The following C19orf53 variants were observed in gnomAD, a reference collection of about 807,000 sequenced individuals.
The protein encoded by C19orf53 is leydig cell tumor 10 kDa protein homolog.
In C19orf53, 9 loss-of-function variants were observed where a neutral mutation model predicts 6.5. That is an observed-to-expected ratio of 1.38 (90% CI 0.83 to 2.40). The LOEUF is 2.40. Among genes scored for constraint, C19orf53 ranks in the 30% most tolerant of loss-of-function variants. The probability of loss-of-function intolerance (pLI) is 0.00; values close to 1 mark genes in which losing one functional copy is unlikely to be tolerated. For synonymous variants in C19orf53, 68 were observed against 52.5 expected (o/e 1.29, Z -1.27); for missense variants, 166 against 129.7 (o/e 1.28, Z -1.36).
At position 13,778,347 on chromosome 19, in the gene C19orf53, G is replaced by A. The variant is rs1039290973; in HGVS notation, c.*149G>A. ...AACTTCAGTGGGGGCCAAGGGTGCT[G>A]AGAACCCAGCAATGACCAGGAAGAT... On this transcript the variant is annotated 3_prime_UTR_variant, in exon 3 of 3. Coordinates refer to ENST00000588234, the MANE Select transcript of C19orf53 (RefSeq NM_014047.3). The A allele has an allele frequency of 1.0e-6, 1 of 972,146 alleles. No homozygotes were observed. Among genetic ancestry groups the A allele is most frequent in the East Asian group, 3.0e-5 (1 of 33,686 alleles). 60.2% of individuals were successfully genotyped at this position (972,146 alleles called of 1,614,324 possible). A position where few individuals can be genotyped will look rare whatever the true frequency, so the allele number is the denominator to read the frequency against.
chr19:13,774,811 G>T (rs1974349585), intron 2 of C19orf53, 104 bp downstream of exon 2: 20 of 1,426,060 alleles, frequency 1.4e-5, no homozygotes, highest in Non-Finnish European at 1.8e-5. Flanking sequence ...TCAGTGAGGG[G>T]AGAGGGTGGA....
chr19:13,776,626 C>T (rs1974374650), intron 2 of C19orf53, among the ~76,000 whole-genome samples: 1 of 152,188 alleles, frequency 6.6e-6, no homozygotes, highest in Admixed American at 6.6e-5. Flanking sequence ...TCCCGGAGCC[C>T]TTCCTGGGCT....
rs1011414105 is a variant in C19orf53 at position 13,774,462 on chromosome 19, C to T, written c.-16C>T. 12 of 1,585,968 alleles carry T rather than the reference C, an allele frequency of 7.6e-6. No homozygotes were observed. The highest frequency in any genetic ancestry group is 7.4e-5 in the Admixed American group (4 of 54,354). ...CGACTGCTCACAGTCCCGCCTCTTC[C>T]GCTGCGTGCCGGACCATGGCGCAGG... On this transcript the variant is annotated 5_prime_UTR_variant, in exon 1 of 3. Transcript: ENST00000588234.
In C19orf53 at chr19:13,778,463, C is replaced by T. The variant is rs1974392201; in HGVS notation, c.*265C>T. 1 of 323,234 alleles carries T rather than the reference C, an allele frequency of 3.1e-6. No homozygotes were observed. Among genetic ancestry groups the T allele is most frequent in the South Asian group, 8.2e-5 (1 of 12,130 alleles). 20.0% of individuals were successfully genotyped at this position (323,234 alleles called of 1,614,324 possible). On this transcript the variant is annotated 3_prime_UTR_variant, in exon 3 of 3. Coordinates refer to ENST00000588234, the MANE Select transcript of C19orf53 (RefSeq NM_014047.3). ...AACAATAAACCTGGCTTTGTCATCCCTCTTGCAGTCCTGTGTTCGGGTGAG... is the reference window on the plus strand; with the variant it reads ...AACAATAAACCTGGCTTTGTCATCCTTCTTGCAGTCCTGTGTTCGGGTGAG...
intron 2 of C19orf53, among the ~76,000 whole-genome samples, chr19:13,776,981 C>T (rs1352442354): frequency 2.4e-5 from 3 of 124,674 alleles, no homozygotes; most frequent in Non-Finnish European, 1.7e-5. Flanking sequence ...GATAGAGTTT[C>T]GTTCTTGTTG....
chr19:13,777,490 T>C (rs939557154), intron 2 of C19orf53, among the ~76,000 whole-genome samples: 1 of 152,058 alleles, frequency 6.6e-6, no homozygotes, highest in African/African-American at 2.4e-5. Flanking sequence ...CCTCGCAAAG[T>C]GCTGGGATCA....
chr19:13,774,617 G>A (rs779040036), intron 1 of C19orf53, 35 bp from the exon 2 acceptor site: 2 of 1,613,056 alleles, frequency 1.2e-6, no homozygotes, highest in South Asian at 1.1e-5. Context: ...TGGACCCCCG[G>A]CTTCCCGGCC....
Position 13,774,704 on chromosome 19 carries a change from G to A in C19orf53, c.150G>A (p.Lys50=). 6.2e-7 allele frequency: 1 copy of A among 1,605,510 alleles called. No homozygotes were observed. Among genetic ancestry groups the A allele is most frequent in the Non-Finnish European group, 8.5e-7 (1 of 1,173,398 alleles). ...KARVVQQQKL[K]KNLEVGIRKK... is the part of the protein sequence containing the mutation. ...GCGTCGTGCAGCAGCAAAAGCTCAA[G>A]AAGGTGTGCGGGGGCGAGAGATGGA... The change falls in exon 2 of 3, where the codon AAG becomes AAA. Residue 50 remains lysine (K), a synonymous_variant. Coordinates refer to ENST00000588234, the MANE Select transcript of C19orf53 (RefSeq NM_014047.3).
intron 1 of C19orf53, 29 bp from the exon 2 acceptor site, chr19:13,774,623 C>A (rs1559149): frequency 0.28 from 447,773 of 1,612,796 alleles, 65,826 homozygotes; most frequent in South Asian, 0.45. Context: ...CCCGGCTTCC[C>A]GGCCTCACGT....
chr19:13,774,976 G>T, intron 2 of C19orf53: 1 of 553,362 alleles, frequency 1.8e-6, no homozygotes, highest in East Asian at 2.8e-5. Flanking sequence ...TCTGGAGGCC[G>T]GCGAGGGAAG....
intron 2 of C19orf53, 61 bp downstream of exon 2, chr19:13,774,768 G>A: frequency 6.5e-7 from 1 of 1,547,864 alleles, no homozygotes; most frequent in Non-Finnish European, 8.8e-7. Context: ...GGAACCCGGA[G>A]GACGGCGAGG....
rs57331572 is a variant in C19orf53, at chr19:13,775,941, C to T, written c.153+1234C>T. On this transcript the variant is annotated intron_variant, in intron 2 of 2. Coordinates refer to ENST00000588234, the MANE Select transcript of C19orf53 (RefSeq NM_014047.3). ...TGAATCCCTCCTTTCTCTCACATCC[C>T]GGTCTCATCCCATTTGTTTTGTTTT... Among the ~76,000 whole-genome samples, 966 of 151,828 alleles carry T rather than the reference C, an allele frequency of 6.4e-3. 7 individuals are homozygous for T. Among genetic ancestry groups the T allele is most frequent in the African/African-American group, 0.022 (919 of 41,384 alleles).
Position 13,774,652 on chromosome 19 carries a change from G to A in C19orf53, c.98G>A (p.Gly33Asp), listed in dbSNP as rs753636778. ...CTCACGTGAGCACATCTTTCCCCAG[G>A]TCGTGTTATCGCTCCCAAGAAGGCG... ...SEKNRGPRKG[G>D]RVIAPKKARV... Residue 33 changes from glycine to aspartate, a missense_variant and splice_region_variant, in exon 2 of 3, where the codon GGT becomes GAT. Physicochemically the swap from Gly to Asp is moderately conservative, Grantham distance 94. Transcript: ENST00000588234. 1.7e-5 allele frequency: 28 copies of A among 1,610,430 alleles called. No homozygotes were observed. Among genetic ancestry groups the A allele is most frequent in the African/African-American group, 2.7e-5 (2 of 74,878 alleles).
chr19:13,774,726 T>A lies in C19orf53; in HGVS notation c.153+19T>A. The stretch of plus-strand genomic sequence containing the variant: ...CAAGAAGGTGTGCGGGGGCGAGAGA[T>A]GGAGCCCGGAGGGCGGCGAGTAGCG... On this transcript the variant is annotated intron_variant, in intron 2 of 2. Coordinates refer to ENST00000588234, the MANE Select transcript of C19orf53 (RefSeq NM_014047.3). The A allele has an allele frequency of 2.5e-6, 4 of 1,583,498 alleles. No individual in the cohort carries two copies. The highest frequency in any genetic ancestry group is 3.4e-6 in the Non-Finnish European group (4 of 1,160,612).
chr19:13,778,251 C>T lies in C19orf53; in HGVS notation c.*53C>T. On this transcript the variant is annotated 3_prime_UTR_variant, in exon 3 of 3. Transcript: ENST00000588234. The stretch of plus-strand genomic sequence containing the variant: ...TCCCACCCCCTACCTCCATATGGGA[C>T]CTTGCAAGTCATCCCACAGGCTGCA... The T allele has an allele frequency of 1.3e-6, 2 of 1,498,952 alleles. No individual in the cohort carries two copies. Among genetic ancestry groups the T allele is most frequent in the Non-Finnish European group, 1.8e-6 (2 of 1,120,586 alleles). 92.9% of individuals were successfully genotyped at this position (1,498,952 alleles called of 1,614,324 possible).
chr19:13,776,607 A>AC (rs1454230014), intron 2 of C19orf53, among the ~76,000 whole-genome samples: 1 of 151,772 alleles, frequency 6.6e-6, no homozygotes, highest in Non-Finnish European at 1.5e-5. Flanking sequence ...CTGGCCCCTG[A>AC]CCCCTCCTTC....
chr19:13,774,800 A>G lies in C19orf53; in HGVS notation c.153+93A>G, dbSNP rs2287752. 417,760 of 1,467,840 alleles carry G rather than the reference A, an allele frequency of 0.28. 65,866 individuals carry two copies. Among genetic ancestry groups the G allele is most frequent in the African/African-American group, 0.58 (40,878 of 70,542 alleles). 90.9% of individuals were successfully genotyped at this position (1,467,840 alleles called of 1,614,324 possible). On this transcript the variant is annotated intron_variant, in intron 2 of 2. Transcript: ENST00000588234. ...GAGGGGGGATGGGTGGAGCCCGGGG[A>G]TCAGTGAGGGGAGAGGGTGGATCCT...
chr19:13,776,511 G>T (rs1974373375), intron 2 of C19orf53, among the ~76,000 whole-genome samples: 1 of 152,010 alleles, frequency 6.6e-6, no homozygotes, highest in South Asian at 2.1e-4. Context: ...CAGGAAAAAG[G>T]TCCAGTCCTC....
chr19:13,777,630 G>A (rs1368826180), intron 2 of C19orf53, among the ~76,000 whole-genome samples: 1 of 144,180 alleles, frequency 6.9e-6, no homozygotes, highest in Non-Finnish European at 1.5e-5. Context: ...TGCCTTACTT[G>A]CCAGCTCCCT....
Sources: allele counts gnomAD v4.1 joint callset (sites outside exome capture counted in the v4.1 genomes callset), GRCh38; gene constraint gnomAD v4.1.1; transcripts MANE v1.5; gene names NCBI Gene and HGNC (gene_info 2026-07-23, HGNC 2026-07-21).